XXYLT1: variants seen among roughly 807,000 people sequenced by gnomAD.
XXYLT1 encodes the protein xyloside xylosyltransferase 1, also known as UDP-xylose:alpha-xyloside alpha-1,3-xylosyltransferase.
XXYLT1 carries 20 observed loss-of-function variants against 28.9 expected under a neutral mutation model. The ratio of observed to expected loss-of-function variants is 0.69; its 90% CI spans 0.49 to 1.00. XXYLT1 has a LOEUF of 1.00. Among genes scored for constraint, XXYLT1 ranks in the 50% least tolerant of loss-of-function variants. The pLI, the probability that XXYLT1 is intolerant of heterozygous loss-of-function variation, is 0.00. For missense variants in XXYLT1, 542 were observed against 560.1 expected (o/e 0.97, Z 0.33); for synonymous variants, 257 against 253.8 (o/e 1.01, Z -0.12).
chr3:195,170,102 G>A (rs1313192045), intron 2 of XXYLT1, among the ~76,000 whole-genome samples: 2 of 151,812 alleles, frequency 1.3e-5, no homozygotes, highest in Non-Finnish European at 1.5e-5. Flanking sequence ...CGCCAGCCTC[G>A]GCCTCCCAAA....
chr3:195,209,653 C>T lies in XXYLT1; in HGVS notation c.652+17056G>A, dbSNP rs1197613463. The T allele has an allele frequency of 6.6e-6, 1 of 152,492 alleles. No individual in the cohort carries two copies. The highest frequency in any genetic ancestry group is 2.4e-5 in the African/African-American group (1 of 41,420). The allele number at this position is 152,492 out of a possible 1,614,324, so 9.4% of individuals were successfully genotyped here. On this transcript the variant is annotated intron_variant, in intron 2 of 3. Transcript: ENST00000310380. The surrounding 1 kb of genome is among the most constrained non-coding windows in gnomAD (Gnocchi z 5.0). ...GGGACGGCAGAGTGTGGGTCTGAAC[C>T]AGAGAAAAAGGCTGCAGCACAGGAG...
chr3:195,255,614 C>T lies in XXYLT1; in HGVS notation c.504+14941G>A, dbSNP rs192070465. On this transcript the variant is annotated intron_variant, in intron 1 of 3. Transcript: ENST00000310380. The surrounding 1 kb of genome is among the most constrained non-coding windows in gnomAD (Gnocchi z 4.5). ...GAAACCAAAACAGAAGACAAACCGGCGCACAGAGCAAGCACAGCGTAGAAC... is the reference window on the plus strand; with the variant it reads ...GAAACCAAAACAGAAGACAAACCGGTGCACAGAGCAAGCACAGCGTAGAAC... Among the ~76,000 whole-genome samples, 6 of 152,300 alleles carry T rather than the reference C, an allele frequency of 3.9e-5. No individual in the cohort carries two copies. The highest frequency in any genetic ancestry group is 1.9e-4 in the East Asian group (1 of 5,184).
rs1003788986 is a variant in XXYLT1, at chr3:195,088,068, G to A, written c.786-17957C>T. ...GAGTCTCGCTGATTGCCAGCACAGC[G>A]GTCTGAGATCAAACTGCAAGGTGGC... On this transcript the variant is annotated intron_variant, in intron 3 of 3. Coordinates refer to ENST00000310380, the MANE Select transcript of XXYLT1 (RefSeq NM_152531.5). 4.4e-3 allele frequency among the ~76,000 whole-genome samples: 671 copies of A among 151,240 alleles called. 9 individuals are homozygous for A. The highest frequency in any genetic ancestry group is 0.015 in the Admixed American group (225 of 15,120).
chr3:195,241,615 C>G (rs992050389), intron 1 of XXYLT1, among the ~76,000 whole-genome samples: 1 of 152,134 alleles, frequency 6.6e-6, no homozygotes, highest in African/African-American at 2.4e-5. Flanking sequence ...GTCTTTCATT[C>G]CTACACCCAT....
At chr3:195,144,416 G>A (rs951265128) in intron 3 of XXYLT1, among the ~76,000 whole-genome samples, 5 of 151,424 alleles carry the variant, frequency 3.3e-5, no homozygotes, top group Non-Finnish European at 7.4e-5. Flanking sequence ...TTGCCCTATC[G>A]CCCAGGCTGG....
intron 2 of XXYLT1, among the ~76,000 whole-genome samples, chr3:195,170,181 TA>T (rs1721339032): frequency 6.6e-6 from 1 of 152,104 alleles, no homozygotes; most frequent in Non-Finnish European, 1.5e-5. Context: ...TATGTGTGTA[TA>T]TACACACACA....
rs1716101298 is a variant in XXYLT1, at chr3:195,090,982, A to C, written c.786-20871T>G. ...CTCTCCCAAGACTAAACCAGGAAGAAGTTGAATCTCTGAATAGACCAATAA... is the reference window on the plus strand; with the variant it reads ...CTCTCCCAAGACTAAACCAGGAAGACGTTGAATCTCTGAATAGACCAATAA... On this transcript the variant is annotated intron_variant, in intron 3 of 3. Coordinates refer to ENST00000310380, the MANE Select transcript of XXYLT1 (RefSeq NM_152531.5). Among the ~76,000 whole-genome samples, 7 of 151,726 alleles carry C rather than the reference A, an allele frequency of 4.6e-5. No homozygotes were observed. In the South Asian group the frequency reaches 1.4e-3, roughly 31 times the overall value.
At chr3:195,212,579 C>A (rs1419473920) in intron 2 of XXYLT1, among the ~76,000 whole-genome samples, 1 of 152,190 alleles carries the variant, frequency 6.6e-6, no homozygotes, top group Non-Finnish European at 1.5e-5. Context: ...GCATCACCAC[C>A]TGGGCTCCAC....
rs116276176 is a variant in XXYLT1, at chr3:195,069,359, G to T, written c.*356C>A. ...TGTCAATTTAAATTAAATTTATATT[G>T]GTCCAAAAAAGGCCGGGTCTAAAGG... On this transcript the variant is annotated 3_prime_UTR_variant, in exon 4 of 4. Transcript: ENST00000310380. The T allele has an allele frequency of 3.8e-3, 900 of 235,162 alleles. 8 individuals carry two copies. Among genetic ancestry groups the T allele is most frequent in the African/African-American group, 0.019 (849 of 44,648 alleles). The allele number at this position is 235,162 out of a possible 1,614,324, so 14.6% of individuals were successfully genotyped here. A position where few individuals can be genotyped will look rare whatever the true frequency, so the allele number is the denominator to read the frequency against.
At position 195,086,651 on chromosome 3, in the gene XXYLT1, C is replaced by T. The variant is rs150624761; in HGVS notation, c.786-16540G>A. ...TTGAAGCGAGGTATGAGGAAGGTCA[C>T]TCTGGCTGGGTGGGCACTGGCATGG... On this transcript the variant is annotated intron_variant, in intron 3 of 3. Transcript: ENST00000310380. 1.6e-3 allele frequency among the ~76,000 whole-genome samples: 240 copies of T among 152,186 alleles called. 2 individuals carry two copies. Among genetic ancestry groups the T allele is most frequent in the African/African-American group, 5.5e-3 (227 of 41,508 alleles).
chr3:195,140,740 T>C (rs1383036217), intron 3 of XXYLT1, among the ~76,000 whole-genome samples: 1 of 152,154 alleles, frequency 6.6e-6, no homozygotes, highest in Non-Finnish European at 1.5e-5. Context: ...TGAGGACTCA[T>C]TCACTATCAC....
At chr3:195,190,651 C>T (rs1156902026) in intron 2 of XXYLT1, among the ~76,000 whole-genome samples, 5 of 151,764 alleles carry the variant, frequency 3.3e-5, no homozygotes, top group African/African-American at 9.7e-5. Context: ...TTTCTCATTT[C>T]TTAACTTTTT....
rs1307433706 is a variant in XXYLT1, at chr3:195,070,076, T to C, written c.821A>G (p.Gln274Arg). The C allele has an allele frequency of 6.3e-7, 1 of 1,587,114 alleles. No individual in the cohort carries two copies. The highest frequency in any genetic ancestry group is 2.2e-5 in the East Asian group (1 of 44,774). The stretch of plus-strand genomic sequence containing the variant: ...GGGGGGCGGGCCCCCAACCCGGGTC[T>C]GGGGGTTCTCATGGCGGAACTGCCA... ...TFWQFRHENPQTRVGGPPPEG... is the reference protein window; with the variant it reads ...TFWQFRHENPRTRVGGPPPEG... Residue 274 changes from glutamine to arginine, a missense_variant, in exon 4 of 4, where the codon CAG (glutamine) becomes CGG (arginine). By Grantham distance (43) the Gln-to-Arg change is conservative. Transcript: ENST00000310380.
chr3:195,071,665 G>A (rs904030177), intron 3 of XXYLT1, among the ~76,000 whole-genome samples: 11 of 151,926 alleles, frequency 7.2e-5, no homozygotes, highest in Non-Finnish European at 1.3e-4. Context: ...AAAGTCTGCG[G>A]TGATAGGGTC....
intron 3 of XXYLT1, among the ~76,000 whole-genome samples, chr3:195,126,624 C>T (rs1025316244): frequency 1.3e-5 from 2 of 151,838 alleles, no homozygotes; most frequent in African/African-American, 2.4e-5. Context: ...GAAGGAAGCA[C>T]GCAGGGACAG....
At chr3:195,244,903 C>T (rs1238606043) in intron 1 of XXYLT1, among the ~76,000 whole-genome samples, 6 of 141,932 alleles carry the variant, frequency 4.2e-5, no homozygotes, top group African/African-American at 5.2e-5. Flanking sequence ...CGGTGGCTCA[C>T]GCCTGTGATC....
rs1020233842 is a variant in XXYLT1, at chr3:195,117,524, G to C, written c.785+38925C>G. Among the ~76,000 whole-genome samples the C allele has an allele frequency of 2.2e-4, 34 of 152,178 alleles. 1 individual carries two copies. The highest frequency in any genetic ancestry group is 7.3e-5 in the Non-Finnish European group (5 of 68,036). ...ATCTATGTGTTGATGTGTGTCATAA[G>C]TGTCTATGACTTTTATAAGCACAGA... On this transcript the variant is annotated intron_variant, in intron 3 of 3. Transcript: ENST00000310380.
At chr3:195,177,004 G>A (rs920310248) in intron 2 of XXYLT1, among the ~76,000 whole-genome samples, 29 of 152,306 alleles carry the variant, frequency 1.9e-4, no homozygotes, top group South Asian at 6.2e-4. Flanking sequence ...CGCCCTCCTC[G>A]CTGGGCTCTC....
intron 2 of XXYLT1, among the ~76,000 whole-genome samples, chr3:195,181,327 G>A (rs1279888932): frequency 6.6e-6 from 1 of 152,126 alleles, no homozygotes. Context: ...TTGCCACCAG[G>A]CGTGCCTTTA....
Sources: gnomAD v4.1 joint callset for allele counts (sites outside exome capture counted in the v4.1 genomes callset) on GRCh38, gnomAD v4.1.1 for gene constraint, Gnocchi (gnomAD v3.1) non-coding constraint, MANE v1.5 for transcripts, NCBI Gene and HGNC (gene_info 2026-07-23, HGNC 2026-07-21) for gene names.